Variants in PRELID2 observed in about 807,000 individuals in gnomAD.
PRELID2 encodes the protein PRELI domain-containing protein 2.
In PRELID2, 25 loss-of-function variants were observed where a neutral mutation model predicts 28.4. That is an observed-to-expected ratio of 0.88 (90% CI 0.64 to 1.23). The LOEUF (loss-of-function observed/expected upper bound fraction) is 1.23, where lower values mean the gene tolerates loss of function less well. Ranked by LOEUF, PRELID2 falls within the 50% of genes most tolerant of loss-of-function variation. The pLI is 0.00. For missense variants in PRELID2, 201 were observed against 214.4 expected, an observed-to-expected ratio of 0.94 and a Z score of 0.39; for synonymous variants, 76 against 71.6, an observed-to-expected ratio of 1.06 and a Z score of -0.31.
intron 4 of PRELID2, 93 bp downstream of exon 4, chr5:145,817,801 G>T: frequency 9.7e-7 from 1 of 1,025,866 alleles, no homozygotes; most frequent in East Asian, 2.9e-5. Flanking sequence ...TATAAACAGT[G>T]GTCATAAGTA....
chr5:145,287,847 T>G, the PRELID2 span, among the ~76,000 whole-genome samples: 1 of 152,194 alleles, frequency 6.6e-6, no homozygotes, highest in Non-Finnish European at 1.5e-5. Context: ...TAATGTCTCC[T>G]TAGCTGTAAC....
At chr5:145,574,933 T>TA (rs1753047938) in intron 1 of PRELID2, among the ~76,000 whole-genome samples, 1 of 152,212 alleles carries the variant, frequency 6.6e-6, no homozygotes, top group African/African-American at 2.4e-5. Context: ...TAACCATGTA[T>TA]TTTTTCAAAT....
chr5:145,810,420 C>G (rs896304636), intron 4 of PRELID2, among the ~76,000 whole-genome samples: 3 of 152,156 alleles, frequency 2.0e-5, no homozygotes, highest in Non-Finnish European at 4.4e-5. Context: ...TCAGTCCATG[C>G]CAATTGCTTG....
chr5:145,515,893 A>T (rs765347715), intron 1 of PRELID2, among the ~76,000 whole-genome samples: 2 of 152,198 alleles, frequency 1.3e-5, no homozygotes, highest in Non-Finnish European at 2.9e-5. Context: ...CAAAAACCAC[A>T]TGATTATCTC....
the PRELID2 span, among the ~76,000 whole-genome samples, chr5:145,444,903 T>G: frequency 6.6e-6 from 1 of 151,962 alleles, no homozygotes; most frequent in Non-Finnish European, 1.5e-5. Context: ...AGAAAATAAG[T>G]AAGCAAATTA....
intron 1 of PRELID2, among the ~76,000 whole-genome samples, chr5:145,825,379 C>T (rs1755126675): frequency 6.6e-6 from 1 of 151,958 alleles, no homozygotes; most frequent in African/African-American, 2.4e-5. Context: ...TTACACAGTA[C>T]CCCTAAAGCA....
intron 1 of PRELID2, among the ~76,000 whole-genome samples, chr5:145,592,483 C>A (rs1447788770): frequency 6.6e-6 from 1 of 152,066 alleles, no homozygotes; most frequent in Non-Finnish European, 1.5e-5. Context: ...TACACACACA[C>A]ACACACACAC....
At chr5:145,468,184 G>A (rs780529674), downstream of PRELID2, among the ~76,000 whole-genome samples, 70 of 152,082 alleles carry the variant, frequency 4.6e-4, no homozygotes, top group Non-Finnish European at 8.7e-4. Context: ...TTTTGTCCTG[G>A]CGATAGTTTG....
At chr5:145,479,112 T>C (rs1481647372) in intron 1 of PRELID2, among the ~76,000 whole-genome samples, 1 of 152,164 alleles carries the variant, frequency 6.6e-6, no homozygotes, top group East Asian at 1.9e-4. Flanking sequence ...CATACTTTAC[T>C]GTAAATGCTC....
the PRELID2 span, among the ~76,000 whole-genome samples, chr5:145,301,939 T>TC: frequency 6.7e-6 from 1 of 148,294 alleles, no homozygotes; most frequent in African/African-American, 2.5e-5. Context: ...TCTTTTTTTT[T>TC]TTTTTTTTTT....
intron 1 of PRELID2, among the ~76,000 whole-genome samples, chr5:145,666,838 C>G (rs1754605140): frequency 6.6e-6 from 1 of 152,082 alleles, no homozygotes; most frequent in African/African-American, 2.4e-5. Context: ...ATTATGTTTA[C>G]TTGCTAATGA....
At chr5:145,339,608 G>A in the PRELID2 span, among the ~76,000 whole-genome samples, 1 of 152,256 alleles carries the variant, frequency 6.6e-6, no homozygotes, top group East Asian at 1.9e-4. Context: ...CTTGGACGAC[G>A]TTGTTGCTGT....
intron 4 of PRELID2, among the ~76,000 whole-genome samples, chr5:145,811,908 T>C (rs112990642): frequency 0.017 from 2,636 of 152,164 alleles, 40 homozygotes; most frequent in South Asian, 0.032. Context: ...CAAGAAAACA[T>C]GAAGAGGAAA....
At position 145,654,221 on chromosome 5, in the gene PRELID2, G is replaced by A. The variant is rs567701004; in HGVS notation, n.70+110710C>T. ...CAGGAAGAACTCGAATCCCTGAATA[G>A]ACCAATAACAGGCTCTGAAATTGAG... On this transcript the variant is annotated intron_variant and non_coding_transcript_variant, in intron 1 of 2. Transcript: ENST00000510259. Among the ~76,000 whole-genome samples, 56 of 152,266 alleles carry A rather than the reference G, an allele frequency of 3.7e-4. No homozygotes were observed. In the South Asian group the frequency reaches 0.011, roughly 31 times the overall value.
chr5:145,647,019 T>C (rs1754207886), intron 1 of PRELID2, among the ~76,000 whole-genome samples: 1 of 152,208 alleles, frequency 6.6e-6, no homozygotes, highest in Non-Finnish European at 1.5e-5. Flanking sequence ...GAGGAGGCAT[T>C]CTGACCCTTA....
chr5:145,383,615 C>A, the PRELID2 span, among the ~76,000 whole-genome samples: 1 of 137,690 alleles, frequency 7.3e-6, no homozygotes, highest in Non-Finnish European at 1.6e-5. Flanking sequence ...AACTAAATGT[C>A]AGCATGCAAA....
At chr5:145,684,819 G>A (rs1014181305) in intron 1 of PRELID2, among the ~76,000 whole-genome samples, 5 of 152,110 alleles carry the variant, frequency 3.3e-5, no homozygotes, top group Non-Finnish European at 7.4e-5. Context: ...TGTAGTCATG[G>A]GTGCTGTTGG....
intron 1 of PRELID2, among the ~76,000 whole-genome samples, chr5:145,615,246 C>T (rs1038439553): frequency 6.6e-6 from 1 of 151,816 alleles, no homozygotes; most frequent in Non-Finnish European, 1.5e-5. Flanking sequence ...TTTTGGTCTC[C>T]ATTTGTATAA....
the PRELID2 span, among the ~76,000 whole-genome samples, chr5:145,294,463 T>A: frequency 6.6e-6 from 1 of 152,162 alleles, no homozygotes; most frequent in African/African-American, 2.4e-5. Context: ...AAGTTCTGTA[T>A]CCACACTGTA....
Sources: allele counts gnomAD v4.1 joint callset (sites outside exome capture counted in the v4.1 genomes callset), GRCh38; gene constraint gnomAD v4.1.1; transcripts MANE v1.5; gene names NCBI Gene and HGNC (gene_info 2026-07-23, HGNC 2026-07-21).